The following ZNF385B variants were observed in gnomAD, a reference collection of about 807,000 sequenced individuals.
ZNF385B encodes the protein zinc finger protein 385B.
Under a neutral mutation model 39.2 loss-of-function variants are expected in ZNF385B, and 23 were observed. That is an observed-to-expected ratio of 0.59 (90% CI 0.42 to 0.83). The LOEUF (loss-of-function observed/expected upper bound fraction) is 0.83. Among genes scored for constraint, ZNF385B ranks in the 40% least tolerant of loss-of-function variants. The pLI is 0.00. For synonymous variants in ZNF385B, 205 were observed against 222.6 expected (o/e 0.92, Z 0.70); for missense variants, 552 against 598.9 (o/e 0.92, Z 0.82).
intron 5 of ZNF385B, among the ~76,000 whole-genome samples, chr2:179,507,500 A>T (rs2057338081): frequency 6.6e-6 from 1 of 152,216 alleles, no homozygotes; most frequent in African/African-American, 2.4e-5. Flanking sequence ...TAATCAAATG[A>T]TAGCTTTCCA....
chr2:179,493,493 G>GTGTGTACATATATGCGTATACACA (rs1553571606), intron 5 of ZNF385B, among the ~76,000 whole-genome samples: 1 of 149,716 alleles, frequency 6.7e-6, no homozygotes, highest in African/African-American at 2.4e-5. Context: ...ATGTATAAAC[G>GTGTGTACATATATGCGTATACACA]TGTGTGTACA....
chr2:179,515,032 C>A (rs1385628782), intron 5 of ZNF385B, among the ~76,000 whole-genome samples: 1 of 152,148 alleles, frequency 6.6e-6, no homozygotes, highest in Non-Finnish European at 1.5e-5. Context: ...CCCGCCTCGG[C>A]CTTCCAAAGT....
At chr2:179,527,708 A>G (rs2058997912) in intron 4 of ZNF385B, among the ~76,000 whole-genome samples, 1 of 152,158 alleles carries the variant, frequency 6.6e-6, no homozygotes, top group African/African-American at 2.4e-5. Context: ...TCAACATATT[A>G]CACATTTATA....
At chr2:179,585,967 C>G (rs983859737) in intron 3 of ZNF385B, 1 of 152,242 alleles carries the variant, frequency 6.6e-6, no homozygotes, top group Non-Finnish European at 1.5e-5. Context: ...TAGCGTCTCA[C>G]AAATTCTGGA....
intron 1 of ZNF385B, among the ~76,000 whole-genome samples, chr2:179,795,647 A>T (rs1404759950): frequency 1.3e-5 from 2 of 152,136 alleles, no homozygotes; most frequent in East Asian, 3.8e-4. Context: ...TTCTATGTGA[A>T]CCAACACTTA....
chr2:179,501,333 CAATGT>C (rs1031069007), intron 5 of ZNF385B, among the ~76,000 whole-genome samples: 6 of 152,096 alleles, frequency 3.9e-5, no homozygotes, highest in African/African-American at 1.4e-4. Context: ...GATTTGGGAG[CAATGT>C]AAGAGTCCAT....
chr2:179,779,307 T>A (rs1208069554), intron 1 of ZNF385B, among the ~76,000 whole-genome samples: 1 of 152,174 alleles, frequency 6.6e-6, no homozygotes, highest in Admixed American at 6.5e-5. Flanking sequence ...AGACGAAAGA[T>A]GGCAGATGTG....
At chr2:179,558,561 A>G (rs1225152407) in intron 3 of ZNF385B, among the ~76,000 whole-genome samples, 1 of 152,174 alleles carries the variant, frequency 6.6e-6, no homozygotes, top group Non-Finnish European at 1.5e-5. Context: ...AACACTTCAT[A>G]GCTATTCAAA....
At chr2:179,515,190 T>C (rs7609354) in intron 5 of ZNF385B, among the ~76,000 whole-genome samples, 123,882 of 152,150 alleles carry the variant, frequency 0.81, 50,804 homozygotes, top group East Asian at 0.92. Context: ...GTTCAACATC[T>C]CTTGTTTTGA....
chr2:179,598,018 T>C (rs965714730), intron 3 of ZNF385B, among the ~76,000 whole-genome samples: 3 of 152,204 alleles, frequency 2.0e-5, no homozygotes, highest in African/African-American at 7.2e-5. Flanking sequence ...AGATGTCTAA[T>C]ATAATTGCCA....
chr2:179,537,718 G>A (rs1299398724), intron 4 of ZNF385B, among the ~76,000 whole-genome samples: 2 of 149,956 alleles, frequency 1.3e-5, no homozygotes, highest in Non-Finnish European at 2.9e-5. Flanking sequence ...GCTAGCCTAG[G>A]TGACAGAGCA....
chr2:179,618,535 T>A (rs1451805056), intron 3 of ZNF385B, among the ~76,000 whole-genome samples: 1 of 152,174 alleles, frequency 6.6e-6, no homozygotes, highest in Non-Finnish European at 1.5e-5. Context: ...TTTCTCCTAT[T>A]TTCTGGTATC....
intron 3 of ZNF385B, among the ~76,000 whole-genome samples, chr2:179,553,219 AT>A (rs2060692927): frequency 6.7e-6 from 1 of 149,212 alleles, no homozygotes; most frequent in African/African-American, 2.5e-5. Context: ...TCAACTGGGA[AT>A]TAGTTGAAAC....
intron 3 of ZNF385B, among the ~76,000 whole-genome samples, chr2:179,719,404 C>G (rs961185018): frequency 2.0e-5 from 3 of 152,194 alleles, no homozygotes; most frequent in Non-Finnish European, 2.9e-5. Context: ...CATTATATAT[C>G]CATTACAAAT....
chr2:179,680,031 T>G (rs1376422319), intron 3 of ZNF385B, among the ~76,000 whole-genome samples: 1 of 152,214 alleles, frequency 6.6e-6, no homozygotes, highest in Admixed American at 6.5e-5. Context: ...CTTTTCACTT[T>G]GAAATAATTA....
intron 1 of ZNF385B, among the ~76,000 whole-genome samples, chr2:179,821,529 C>G (rs545953322): frequency 6.6e-6 from 1 of 152,056 alleles, no homozygotes; most frequent in Non-Finnish European, 1.5e-5. Context: ...ACAATACTCT[C>G]GAGTAATGAC....
At chr2:179,769,370 T>C (rs1029984051) in intron 3 of ZNF385B, 133 bp downstream of exon 3, 3 of 1,358,082 alleles carry the variant, frequency 2.2e-6, no homozygotes, top group Non-Finnish European at 9.8e-7. Context: ...ATTTTACCTG[T>C]AGGAGAAAGA....
At chr2:179,464,359 C>T (rs895840123) in intron 6 of ZNF385B, among the ~76,000 whole-genome samples, 2 of 152,150 alleles carry the variant, frequency 1.3e-5, no homozygotes, top group Admixed American at 1.3e-4. Context: ...TTAATTATAT[C>T]CCATTTGTCA....
In ZNF385B at chr2:179,493,796, T is replaced by TATGTGTATATACATATATGTATACAC. The variant is rs2055822085; in HGVS notation, c.553-10363_553-10362insGTGTATACATATATGTATATACACAT. Among the ~76,000 whole-genome samples, 5 of 101,120 alleles carry TATGTGTATATACATATATGTATACAC rather than the reference T, an allele frequency of 4.9e-5. No individual in the cohort carries two copies. In the East Asian group the frequency reaches 1.2e-3, roughly 25 times the overall value. 66.3% of individuals were successfully genotyped at this position (101,120 alleles called of 152,430 possible). A position where few individuals can be genotyped will look rare whatever the true frequency, so the allele number is the denominator to read the frequency against. On this transcript the variant is annotated intron_variant, in intron 5 of 9. Coordinates refer to ENST00000410066, the MANE Select transcript of ZNF385B (RefSeq NM_152520.6). ...ATATGTATATACACATATGTATACA[T>TATGTGTATATACATATATGTATACAC]ATATGTATATATACATATATATATA... is the stretch of plus-strand genomic sequence containing the variant.
Sources: allele counts gnomAD v4.1 joint callset (sites outside exome capture counted in the v4.1 genomes callset), GRCh38; gene constraint gnomAD v4.1.1; transcripts MANE v1.5; gene names NCBI Gene and HGNC (gene_info 2026-07-23, HGNC 2026-07-21).